Variants in ARHGAP12 observed in about 807,000 individuals in gnomAD.
The protein encoded by ARHGAP12 is rho GTPase-activating protein 12.
ARHGAP12 carries 64 observed loss-of-function variants against 108.6 expected under a neutral mutation model. The ratio of observed to expected loss-of-function variants is 0.59; its 90% CI spans 0.48 to 0.73. The LOEUF is 0.73. ARHGAP12 is among the 30% of genes least tolerant of loss of function. The pLI is 0.00. For missense variants in ARHGAP12, 940 were observed against 1,005.9 expected (o/e 0.93, Z 0.89); for synonymous variants, 312 against 337.2 (o/e 0.93, Z 0.82).
At chr10:31,810,779 A>C in intron 15 of ARHGAP12, 32 bp from the exon 16 acceptor site, 1 of 1,522,756 alleles carries the variant, frequency 6.6e-7, no homozygotes, top group Non-Finnish European at 9.1e-7. Flanking sequence ...AAAGTCAATC[A>C]CCTTGCTGAA....
At chr10:31,855,511 T>G (rs1434121185) in intron 4 of ARHGAP12, among the ~76,000 whole-genome samples, 2 of 152,228 alleles carry the variant, frequency 1.3e-5, no homozygotes, top group African/African-American at 2.4e-5. Flanking sequence ...AATATTAATA[T>G]GTTCACAAAA....
Position 31,872,657 on chromosome 10 carries a change from C to T in ARHGAP12, c.685-10999G>A, listed in dbSNP as rs191729244. ...ATTTCTTTGCCTCATCCAGTTGATCCTCCATGATACCACTAGTTTCTCTAA... is the reference window on the plus strand; with the variant it reads ...ATTTCTTTGCCTCATCCAGTTGATCTTCCATGATACCACTAGTTTCTCTAA... On this transcript the variant is annotated intron_variant, in intron 3 of 19. Transcript: ENST00000344936. 1.9e-3 allele frequency among the ~76,000 whole-genome samples: 296 copies of T among 152,284 alleles called. 1 individual carries two copies. Among genetic ancestry groups the T allele is most frequent in the Middle Eastern group, 0.014 (4 of 294 alleles).
rs149704215 is a variant in ARHGAP12 at position 31,922,794 on chromosome 10, C to G, written c.-111+5889G>C. 2.2e-3 allele frequency among the ~76,000 whole-genome samples: 341 copies of G among 152,026 alleles called. 1 individual carries two copies. The highest frequency in any genetic ancestry group is 7.5e-3 in the African/African-American group (311 of 41,456). ...AAAGTTGAAGCAGAGAGAAAACATCCCAACTCCATTCCACCAAAACCAAAG... is the reference window on the plus strand; with the variant it reads ...AAAGTTGAAGCAGAGAGAAAACATCGCAACTCCATTCCACCAAAACCAAAG... On this transcript the variant is annotated intron_variant, in intron 1 of 19. Transcript: ENST00000344936.
At chr10:31,833,987 T>C (rs556323262) in intron 9 of ARHGAP12, among the ~76,000 whole-genome samples, 1 of 152,148 alleles carries the variant, frequency 6.6e-6, no homozygotes, top group African/African-American at 2.4e-5. Context: ...CTATAAGAGA[T>C]GATAAAGACC....
At chr10:31,912,484 C>T (rs1166305016) in intron 1 of ARHGAP12, among the ~76,000 whole-genome samples, 2 of 152,142 alleles carry the variant, frequency 1.3e-5, no homozygotes, top group African/African-American at 4.8e-5. Flanking sequence ...ACACCTTCCC[C>T]ACAGTGACTA....
chr10:31,814,052 C>T (rs1484336331), intron 14 of ARHGAP12, among the ~76,000 whole-genome samples: 1 of 152,168 alleles, frequency 6.6e-6, no homozygotes, highest in Non-Finnish European at 1.5e-5. Context: ...TGTGATGCCA[C>T]AGGATGCATA....
rs1188742618 is a variant in ARHGAP12, at chr10:31,928,531, C to CGCG, written c.-111+149_-111+151dup. ...CCCGACCTCCCTTTGCGCGCACCTC[C>CGCG]GCGGCGCCGCCGCCGCCGCCGCCGC... On this transcript the variant is annotated intron_variant, in intron 1 of 19. Transcript: ENST00000344936. Among the ~76,000 whole-genome samples, 19 of 150,756 alleles carry CGCG rather than the reference C, an allele frequency of 1.3e-4. No homozygotes were observed. In the East Asian group the frequency reaches 3.3e-3, roughly 26 times the overall value.
At chr10:31,888,791 C>A (rs368935393) in intron 3 of ARHGAP12, among the ~76,000 whole-genome samples, 1 of 151,716 alleles carries the variant, frequency 6.6e-6, no homozygotes, top group African/African-American at 2.4e-5. Flanking sequence ...TAAAAGCACA[C>A]AGAGTTTAGG....
chr10:31,839,808 A>C (rs955791747), intron 7 of ARHGAP12, 97 bp from the exon 8 acceptor site: 1 of 927,628 alleles, frequency 1.1e-6, no homozygotes, highest in Non-Finnish European at 1.5e-6. Context: ...GAGAATAACA[A>C]ATTTTTTCCT....
At chr10:31,864,320 A>C (rs1028279092) in intron 3 of ARHGAP12, among the ~76,000 whole-genome samples, 2 of 152,170 alleles carry the variant, frequency 1.3e-5, no homozygotes, top group African/African-American at 4.8e-5. Context: ...TCATAATAGG[A>C]AAAAAACTAA....
At chr10:31,918,012 G>C (rs1304734424) in intron 1 of ARHGAP12, among the ~76,000 whole-genome samples, 3 of 151,536 alleles carry the variant, frequency 2.0e-5, no homozygotes, top group African/African-American at 7.3e-5. Flanking sequence ...CTGGAGTGCA[G>C]TGGTACCATC....
intron 1 of ARHGAP12, among the ~76,000 whole-genome samples, chr10:31,924,604 T>C (rs1003731544): frequency 5.9e-5 from 9 of 152,206 alleles, no homozygotes; most frequent in Non-Finnish European, 1.0e-4. Flanking sequence ...ATTTTATGTA[T>C]GTACATTACA....
chr10:31,860,337 A>G (rs1252740643), intron 4 of ARHGAP12, among the ~76,000 whole-genome samples: 3 of 152,182 alleles, frequency 2.0e-5, no homozygotes, highest in East Asian at 3.8e-4. Context: ...CGGATGTCCT[A>G]TGCAGGTGGA....
At chr10:31,887,109 A>T (rs917318024) in intron 3 of ARHGAP12, among the ~76,000 whole-genome samples, 4 of 152,192 alleles carry the variant, frequency 2.6e-5, no homozygotes, top group Admixed American at 6.5e-5. Flanking sequence ...TTAAGGCATT[A>T]CCTCATGTAC....
intron 6 of ARHGAP12, among the ~76,000 whole-genome samples, chr10:31,845,695 G>A (rs1274932445): frequency 6.6e-6 from 1 of 152,148 alleles, no homozygotes; most frequent in Admixed American, 6.5e-5. Context: ...TGAGGCACAA[G>A]AATAGCTTGA....
Position 31,928,234 on chromosome 10 carries a change from CG to C in ARHGAP12, c.-111+448del, listed in dbSNP as rs1407806653. The stretch of plus-strand genomic sequence containing the variant: ...GCAGACACACGCGCGCGCACACACC[CG>C]CCTTTTGCACATAGACACGCACACA... On this transcript the variant is annotated intron_variant, in intron 1 of 19. Coordinates refer to ENST00000344936, the MANE Select transcript of ARHGAP12 (RefSeq NM_018287.7). Among the ~76,000 whole-genome samples, 6 of 151,770 alleles carry C rather than the reference CG, an allele frequency of 4.0e-5. No homozygotes were observed. In the East Asian group the frequency reaches 1.2e-3, roughly 30 times the overall value.
At chr10:31,858,595 A>G (rs1002263110) in intron 4 of ARHGAP12, among the ~76,000 whole-genome samples, 1 of 152,166 alleles carries the variant, frequency 6.6e-6, no homozygotes, top group African/African-American at 2.4e-5. Flanking sequence ...AGAGATCAGT[A>G]GCACGTCTCC....
intron 3 of ARHGAP12, among the ~76,000 whole-genome samples, chr10:31,892,322 G>T (rs774268952): frequency 6.6e-6 from 1 of 152,218 alleles, no homozygotes; most frequent in African/African-American, 2.4e-5. Context: ...TGGCAAACTG[G>T]ATAAAGAGTT....
intron 3 of ARHGAP12, among the ~76,000 whole-genome samples, chr10:31,904,110 G>A (rs1246985663): frequency 6.6e-6 from 1 of 152,108 alleles, no homozygotes; most frequent in African/African-American, 2.4e-5. Context: ...ACTTGTAGGC[G>A]TTTATCCCAA....
Sources: allele counts gnomAD v4.1 joint callset (sites outside exome capture counted in the v4.1 genomes callset), GRCh38; gene constraint gnomAD v4.1.1; transcripts MANE v1.5; gene names NCBI Gene and HGNC (gene_info 2026-07-23, HGNC 2026-07-21).